The following CDH13 variants were observed in gnomAD, a reference collection of about 807,000 sequenced individuals.
The protein encoded by CDH13 is cadherin-13.
Under a neutral mutation model 63.8 loss-of-function variants are expected in CDH13, and 24 were observed. The ratio of observed to expected loss-of-function variants is 0.38; its 90% confidence interval spans 0.27 to 0.53. CDH13 has a LOEUF of 0.53. Among genes scored for constraint, CDH13 ranks in the 20% least tolerant of loss-of-function variants. The pLI, the probability that CDH13 is intolerant of heterozygous loss-of-function variation, is 0.85. For missense variants in CDH13, 1,049 were observed against 903.1 expected (o/e 1.16, Z -2.07); for synonymous variants, 503 against 355.3 (o/e 1.42, Z -4.67).
In CDH13 at chr16:82,890,942, G is replaced by A. The variant is rs551269953; in HGVS notation, c.157+32469G>A. Among the ~76,000 whole-genome samples the A allele has an allele frequency of 2.8e-4, 43 of 151,954 alleles. No homozygotes were observed. In the Middle Eastern group the frequency reaches 0.01, roughly 36 times the overall value. On this transcript the variant is annotated intron_variant, in intron 2 of 13. Transcript: ENST00000567109. The stretch of plus-strand genomic sequence containing the variant: ...GCTGGGATTACAGGCGTGAGCCACT[G>A]TGCCTGGCCGGCAGCAATTCTTTTA...
chr16:83,244,612 G>A (rs945025863), intron 5 of CDH13, among the ~76,000 whole-genome samples: 3 of 152,034 alleles, frequency 2.0e-5, no homozygotes, highest in African/African-American at 7.2e-5. Flanking sequence ...CTCAGATTTG[G>A]TGATTTGCTA....
chr16:82,724,416 C>T (rs1261635249), intron 1 of CDH13, among the ~76,000 whole-genome samples: 1 of 152,084 alleles, frequency 6.6e-6, no homozygotes, highest in African/African-American at 2.4e-5. Context: ...AATGACAGTC[C>T]TACAAGGCAG....
intron 2 of CDH13, among the ~76,000 whole-genome samples, chr16:82,939,993 C>A (rs1469260865): frequency 2.6e-5 from 4 of 152,074 alleles, no homozygotes; most frequent in African/African-American, 7.2e-5. Flanking sequence ...TGGCAGCAGA[C>A]AGGAGAGAAT....
chr16:83,592,376 G>T (rs74548344), intron 7 of CDH13, among the ~76,000 whole-genome samples: 1 of 152,128 alleles, frequency 6.6e-6, no homozygotes, highest in Non-Finnish European at 1.5e-5. Flanking sequence ...TGCACCAAAA[G>T]CAGAGTCTGT....
intron 2 of CDH13, among the ~76,000 whole-genome samples, chr16:82,978,818 G>T (rs1429639696): frequency 6.6e-6 from 1 of 152,258 alleles, no homozygotes; most frequent in African/African-American, 2.4e-5. Context: ...CTGGGGCACT[G>T]CTTAGTGGAG....
chr16:83,707,149 G>A (rs1907200737), intron 10 of CDH13, among the ~76,000 whole-genome samples: 1 of 152,188 alleles, frequency 6.6e-6, no homozygotes, highest in Admixed American at 6.5e-5. Flanking sequence ...AATATGCCAT[G>A]CATGTTCACG....
At chr16:83,023,925 T>C (rs1196676204) in intron 2 of CDH13, among the ~76,000 whole-genome samples, 1 of 152,212 alleles carries the variant, frequency 6.6e-6, no homozygotes, top group Admixed American at 6.5e-5. Context: ...TGTCTTCCTG[T>C]TTATCAGAGC....
intron 2 of CDH13, among the ~76,000 whole-genome samples, chr16:83,028,865 TA>T (rs1916055548): frequency 6.6e-6 from 1 of 152,176 alleles, no homozygotes; most frequent in Admixed American, 6.5e-5. Context: ...CAGGTTTTGA[TA>T]GGATTTCAGA....
chr16:83,572,751 C>G (rs1246205233), intron 7 of CDH13, among the ~76,000 whole-genome samples: 3 of 152,188 alleles, frequency 2.0e-5, no homozygotes, highest in African/African-American at 7.2e-5. Context: ...GGAACAGACC[C>G]AAAATATGCT....
chr16:83,501,712 G>A (rs1195525312), intron 7 of CDH13, among the ~76,000 whole-genome samples: 1 of 152,182 alleles, frequency 6.6e-6, no homozygotes, highest in East Asian at 1.9e-4. Flanking sequence ...CAGGGCATTG[G>A]ATTTGACCTC....
intron 6 of CDH13, among the ~76,000 whole-genome samples, chr16:83,484,340 G>A (rs539642193): frequency 5.3e-5 from 8 of 152,292 alleles, no homozygotes; most frequent in East Asian, 1.9e-4. Context: ...AGACATCTGC[G>A]GCTTTGATCT....
At chr16:83,304,255 C>G (rs554534317) in intron 5 of CDH13, among the ~76,000 whole-genome samples, 5 of 152,120 alleles carry the variant, frequency 3.3e-5, no homozygotes, top group Admixed American at 2.6e-4. Flanking sequence ...CTGAGAAGTA[C>G]ATGAAATTGG....
chr16:83,312,167 G>T (rs906203541), intron 5 of CDH13, among the ~76,000 whole-genome samples: 8 of 150,626 alleles, frequency 5.3e-5, no homozygotes, highest in African/African-American at 2.0e-4. Flanking sequence ...GCCCTTGATT[G>T]CACAATCTCC....
At chr16:83,602,684 C>A in intron 8 of CDH13, 90 bp downstream of exon 8, 2 of 1,335,064 alleles carry the variant, frequency 1.5e-6, no homozygotes, top group Non-Finnish European at 2.1e-6. Context: ...CACCTGCTGG[C>A]CCCCCTTTCA....
At chr16:82,845,585 G>A (rs1205682394) in intron 1 of CDH13, among the ~76,000 whole-genome samples, 1 of 152,096 alleles carries the variant, frequency 6.6e-6, no homozygotes, top group Non-Finnish European at 1.5e-5. Context: ...GTGGATTCAA[G>A]GTTTCTTGGT....
At chr16:83,425,687 A>G (rs1304667923) in intron 6 of CDH13, among the ~76,000 whole-genome samples, 1 of 152,236 alleles carries the variant, frequency 6.6e-6, no homozygotes, top group Non-Finnish European at 1.5e-5. Context: ...CTTTAGAGAA[A>G]CTTGACTCTT....
At chr16:83,757,270 T>TA (rs1913586459) in intron 11 of CDH13, among the ~76,000 whole-genome samples, 2 of 152,056 alleles carry the variant, frequency 1.3e-5, no homozygotes, top group Non-Finnish European at 2.9e-5. Flanking sequence ...AGGAAACAAA[T>TA]ATACAAGACA....
chr16:83,262,423 C>T (rs1156430076), intron 5 of CDH13, among the ~76,000 whole-genome samples: 1 of 152,164 alleles, frequency 6.6e-6, no homozygotes, highest in Non-Finnish European at 1.5e-5. Context: ...TTGTGGTAGA[C>T]ATTTTGTTTG....
At chr16:83,075,957 G>C (rs1326141915) in intron 3 of CDH13, among the ~76,000 whole-genome samples, 1 of 152,126 alleles carries the variant, frequency 6.6e-6, no homozygotes, top group East Asian at 1.9e-4. Context: ...GATCAGCTTC[G>C]TGACAAAAAC....
Sources: gnomAD v4.1 joint callset for allele counts (sites outside exome capture counted in the v4.1 genomes callset) on GRCh38, gnomAD v4.1.1 for gene constraint, MANE v1.5 for transcripts, NCBI Gene and HGNC (gene_info 2026-07-23, HGNC 2026-07-21) for gene names.